The following HACE1 variants were observed in gnomAD, a reference collection of about 807,000 sequenced individuals.
HACE1 encodes the protein E3 ubiquitin-protein ligase HACE1.
A neutral mutation model predicts 118.4 loss-of-function variants in HACE1; 73 were observed. The ratio of observed to expected loss-of-function variants is 0.62; its 90% CI spans 0.51 to 0.75. The LOEUF is 0.75. HACE1 is among the 30% of genes least tolerant of loss of function. HACE1 has a pLI of 0.00. For missense variants in HACE1, 749 were observed against 1,102.2 expected (o/e 0.68, Z 4.54); for synonymous variants, 368 against 374.8 (o/e 0.98, Z 0.21).
chr6:104,775,376 T>A (rs1240014443), intron 17 of HACE1, among the ~76,000 whole-genome samples: 1 of 151,374 alleles, frequency 6.6e-6, no homozygotes, highest in Non-Finnish European at 1.5e-5. Context: ...AGAGCGAGAC[T>A]CTGTCTCAAA....
intron 1 of HACE1, among the ~76,000 whole-genome samples, chr6:104,857,900 T>C (rs1776895956): frequency 7.0e-6 from 1 of 143,568 alleles, no homozygotes; most frequent in Non-Finnish European, 1.5e-5. Context: ...GAGCTTGCAG[T>C]GAGTCGAGAT....
chr6:104,787,694 GC>G (rs1782591779), intron 11 of HACE1, among the ~76,000 whole-genome samples: 1 of 152,150 alleles, frequency 6.6e-6, no homozygotes. Flanking sequence ...ATGCAGATGA[GC>G]ACTGAGTCTA....
chr6:104,803,901 T>C (rs1770689645), intron 7 of HACE1, among the ~76,000 whole-genome samples: 1 of 152,088 alleles, frequency 6.6e-6, no homozygotes, highest in Non-Finnish European at 1.5e-5. Context: ...CAGTATTCAA[T>C]TAGGAAAAGA....
intron 7 of HACE1, among the ~76,000 whole-genome samples, chr6:104,808,502 GC>G (rs1421462863): frequency 6.6e-6 from 1 of 152,092 alleles, no homozygotes; most frequent in Non-Finnish European, 1.5e-5. Context: ...ATTTGAACCT[GC>G]CTACACAAAC....
chr6:104,749,119 T>C (rs12215055), intron 20 of HACE1, among the ~76,000 whole-genome samples: 16,683 of 152,176 alleles, frequency 0.11, 949 homozygotes, highest in East Asian at 0.15. Context: ...TTGCTATTTG[T>C]TTTTTACATA....
chr6:104,851,710 A>G (rs922667288), intron 2 of HACE1, among the ~76,000 whole-genome samples: 2 of 146,514 alleles, frequency 1.4e-5, no homozygotes, highest in African/African-American at 4.9e-5. Flanking sequence ...TTTTAATTAT[A>G]CCAGGTAGGA....
intron 4 of HACE1, chr6:104,845,906 T>G (rs1372450323): frequency 6.6e-6 from 1 of 152,242 alleles, no homozygotes; most frequent in African/African-American, 2.4e-5. Flanking sequence ...TTAAAATAAA[T>G]ACATTGTTTA....
chr6:104,798,050 A>G (rs1341856796), intron 7 of HACE1, among the ~76,000 whole-genome samples: 2 of 147,516 alleles, frequency 1.4e-5, no homozygotes, highest in East Asian at 3.9e-4. Context: ...CCTGGGTAAC[A>G]AGAGCAAAAC....
At chr6:104,803,392 C>G (rs558985905) in intron 7 of HACE1, among the ~76,000 whole-genome samples, 5 of 152,144 alleles carry the variant, frequency 3.3e-5, no homozygotes, top group Non-Finnish European at 7.3e-5. Flanking sequence ...GATACCAAAG[C>G]CTGGCAGAGA....
intron 11 of HACE1, among the ~76,000 whole-genome samples, chr6:104,790,035 A>G (rs149214879): frequency 2.8e-3 from 432 of 152,132 alleles, no homozygotes; most frequent in Non-Finnish European, 4.9e-3. Flanking sequence ...ACAAGAATGC[A>G]TAACTTCATT....
At chr6:104,769,280 CT>C (rs1195735629) in intron 19 of HACE1, among the ~76,000 whole-genome samples, 1 of 152,108 alleles carries the variant, frequency 6.6e-6, no homozygotes, top group Non-Finnish European at 1.5e-5. Flanking sequence ...AGCAATCCCC[CT>C]GCCTTAGTCT....
intron 19 of HACE1, among the ~76,000 whole-genome samples, chr6:104,770,539 T>C (rs189405546): frequency 6.6e-6 from 1 of 152,062 alleles, no homozygotes; most frequent in Non-Finnish European, 1.5e-5. Flanking sequence ...GCCAACATGG[T>C]GAAACCCCGT....
In HACE1 at chr6:104,859,784, G is replaced by A; in HGVS notation, c.-142C>T. ...GCTAGAGCACTGAGCTGCGAGGGCT[G>A]CCTGGGGCCACGTCCTGCGTCCGGG... is the stretch of plus-strand genomic sequence containing the variant. On this transcript the variant is annotated 5_prime_UTR_variant, in exon 1 of 24. Transcript: ENST00000262903. 2.8e-6 allele frequency: 2 copies of A among 726,822 alleles called. No homozygotes were observed. The highest frequency in any genetic ancestry group is 3.3e-5 in the East Asian group (1 of 30,240). 45.0% of individuals were successfully genotyped at this position (726,822 alleles called of 1,614,324 possible).
At chr6:104,772,825 T>C (rs1211823899) in intron 17 of HACE1, among the ~76,000 whole-genome samples, 1 of 152,098 alleles carries the variant, frequency 6.6e-6, no homozygotes, top group Non-Finnish European at 1.5e-5. Flanking sequence ...ATAGGTAAAG[T>C]AGATTAGTAG....
chr6:104,783,620 G>A (rs1317204997), intron 14 of HACE1, among the ~76,000 whole-genome samples: 1 of 152,188 alleles, frequency 6.6e-6, no homozygotes, highest in East Asian at 1.9e-4. Context: ...TGTATGGAAT[G>A]AACAGGTACA....
At chr6:104,770,942 C>T (rs1386895541) in intron 19 of HACE1, among the ~76,000 whole-genome samples, 1 of 152,118 alleles carries the variant, frequency 6.6e-6, no homozygotes, top group Non-Finnish European at 1.5e-5. Flanking sequence ...TGCATATGCC[C>T]AATTTATACT....
chr6:104,740,343 C>A (rs1314200797), intron 22 of HACE1, among the ~76,000 whole-genome samples: 2 of 150,666 alleles, frequency 1.3e-5, no homozygotes, highest in Non-Finnish European at 3.0e-5. Flanking sequence ...GAAATAGAGA[C>A]ACAAAAAACC....
In HACE1 at chr6:104,784,249, G is replaced by A. The variant is rs1013628469; in HGVS notation, c.1479-76C>T. On this transcript the variant is annotated intron_variant, in intron 13 of 23. Transcript: ENST00000262903. ...AGTGAAATGCAAATTCAGATACACT[G>A]ACACTGAAACAGAAGAAAAACACAT... is the stretch of plus-strand genomic sequence containing the variant. 9 of 911,128 alleles carry A rather than the reference G, an allele frequency of 9.9e-6. No individual in the cohort carries two copies. The East Asian group carries it at 2.2e-4, about 22-fold the overall frequency. 56.4% of individuals were successfully genotyped at this position (911,128 alleles called of 1,614,324 possible). A position where few individuals can be genotyped will look rare whatever the true frequency, so the allele number is the denominator to read the frequency against.
At chr6:104,765,729 AG>A (rs1360272814) in intron 19 of HACE1, among the ~76,000 whole-genome samples, 1 of 152,236 alleles carries the variant, frequency 6.6e-6, no homozygotes, top group Non-Finnish European at 1.5e-5. Context: ...CATACCATTA[AG>A]TGGCAAGTGT....
Sources: gnomAD v4.1 joint callset for allele counts (sites outside exome capture counted in the v4.1 genomes callset) on GRCh38, gnomAD v4.1.1 for gene constraint, MANE v1.5 for transcripts, NCBI Gene and HGNC (gene_info 2026-07-23, HGNC 2026-07-21) for gene names.